TSPAN7: variants seen among roughly 807,000 people sequenced by gnomAD.
TSPAN7 encodes the protein tetraspanin 7, also known as tetraspanin-7.
TSPAN7 carries 1 observed loss-of-function variant against 17.6 expected under a neutral mutation model. The observed-to-expected ratio is 0.06, with a 90% CI of 0.02 to 0.27. The LOEUF (loss-of-function observed/expected upper bound fraction) is 0.27, where lower values mean the gene tolerates loss of function less well. TSPAN7 is among the 10% of genes least tolerant of loss of function. The probability of loss-of-function intolerance (pLI) is 1.00; values close to 1 mark genes in which losing one functional copy is unlikely to be tolerated. For synonymous variants in TSPAN7, 78 were observed against 79.0 expected, an observed-to-expected ratio of 0.99 and a Z score of 0.07; for missense variants, 112 against 201.7, an observed-to-expected ratio of 0.56 and a Z score of 2.69.
chrX:38,586,586 A>G (rs1333607424), intron 1 of TSPAN7, among the ~76,000 whole-genome samples: 1 of 112,098 alleles, frequency 8.9e-6, no homozygotes, highest in Non-Finnish European at 1.9e-5. Flanking sequence ...TTGAATTTTT[A>G]AAAAGCCGAT....
chrX:38,680,064 A>C (rs1242877713), intron 5 of TSPAN7, among the ~76,000 whole-genome samples: 1 of 111,605 alleles, frequency 9.0e-6, no homozygotes, highest in Non-Finnish European at 1.9e-5. Flanking sequence ...TCTGTACAAC[A>C]AACCCCGACG....
intron 1 of TSPAN7, among the ~76,000 whole-genome samples, chrX:38,659,798 A>C (rs2069730565): frequency 9.8e-6 from 1 of 102,353 alleles, no homozygotes; most frequent in Non-Finnish European, 2.0e-5. Flanking sequence ...CATTCAGCTA[A>C]CATTCTTTTT....
At chrX:38,683,602 C>A in intron 6 of TSPAN7, among the ~76,000 whole-genome samples, 1 of 112,957 alleles carries the variant, frequency 8.9e-6, no homozygotes, top group Admixed American at 9.3e-5. Flanking sequence ...AGACTTGAGA[C>A]CTGCTCCCAG....
intron 6 of TSPAN7, among the ~76,000 whole-genome samples, chrX:38,682,170 G>C (rs756151523): frequency 9.2e-4 from 100 of 108,353 alleles, no homozygotes; most frequent in Non-Finnish European, 1.6e-3. Context: ...TGTCTCCACA[G>C]CTCTCATTTT....
At chrX:38,586,847 T>C (rs1473721498) in intron 1 of TSPAN7, among the ~76,000 whole-genome samples, 1 of 112,256 alleles carries the variant, frequency 8.9e-6, no homozygotes, top group Non-Finnish European at 1.9e-5. Context: ...GAGGAAGGCA[T>C]TGATCATATT....
chrX:38,600,837 T>A (rs980510141), intron 1 of TSPAN7, among the ~76,000 whole-genome samples: 6 of 111,748 alleles, frequency 5.4e-5, no homozygotes, highest in Admixed American at 9.5e-5. Flanking sequence ...CAAAATCACA[T>A]ACCCAGGGCT....
chrX:38,680,847 A>T (rs1235936893), intron 5 of TSPAN7, among the ~76,000 whole-genome samples: 1 of 111,546 alleles, frequency 9.0e-6, no homozygotes, highest in Non-Finnish European at 1.9e-5. Context: ...TGCTTCATAG[A>T]TCTTACAGAT....
At chrX:38,679,769 A>G (rs1419258879) in intron 5 of TSPAN7, among the ~76,000 whole-genome samples, 1 of 111,619 alleles carries the variant, frequency 9.0e-6, no homozygotes, top group Non-Finnish European at 1.9e-5. Flanking sequence ...AATGTGTGAT[A>G]TATAGTCTCA....
At chrX:38,578,723 T>C (rs964533600) in intron 1 of TSPAN7, among the ~76,000 whole-genome samples, 5 of 110,201 alleles carry the variant, frequency 4.5e-5, no homozygotes, top group African/African-American at 1.3e-4. Context: ...CTCTGAGATA[T>C]AGCATGCTAA....
At chrX:38,570,941 A>G (rs2069166155) in intron 1 of TSPAN7, 2 of 112,177 alleles carry the variant, frequency 1.8e-5, no homozygotes, top group Admixed American at 9.4e-5. Flanking sequence ...TTGATCAGTT[A>G]AACAGGTAAG....
chrX:38,587,573 G>A (rs1254310241), intron 1 of TSPAN7, among the ~76,000 whole-genome samples: 1 of 111,717 alleles, frequency 9.0e-6, no homozygotes, highest in Non-Finnish European at 1.9e-5. Context: ...CTGACAGGTA[G>A]CTTGTGACTG....
At position 38,623,127 on chromosome X, in the gene TSPAN7, C is replaced by G. The variant is rs1269858435; in HGVS notation, c.82-42994C>G. 1.8e-5 allele frequency: 6 copies of G among 324,956 alleles called. No individual in the cohort carries two copies. In the East Asian group the frequency reaches 4.9e-4, roughly 27 times the overall value. The allele number at this position is 324,956 out of a possible 1,213,427, so 26.8% of individuals were successfully genotyped here. A position where few individuals can be genotyped will look rare whatever the true frequency, so the allele number is the denominator to read the frequency against. On this transcript the variant is annotated intron_variant, in intron 1 of 7. Transcript: ENST00000378482. ...ACCTCACAGGGAAGTTGTGGAGATC[C>G]AAGAGAGCCCATGTGAGGCAGCACT...
intron 3 of TSPAN7, among the ~76,000 whole-genome samples, chrX:38,672,262 G>A (rs1365371190): frequency 9.1e-6 from 1 of 109,420 alleles, no homozygotes; most frequent in Non-Finnish European, 1.9e-5. Context: ...AACAGAGAGT[G>A]TTACTGTGGG....
chrX:38,632,419 T>C (rs1198566100), intron 1 of TSPAN7, among the ~76,000 whole-genome samples: 4 of 112,310 alleles, frequency 3.6e-5, no homozygotes, highest in Admixed American at 9.4e-5. Flanking sequence ...ATCACTAAAA[T>C]GCTAAGTTTG....
intron 1 of TSPAN7, among the ~76,000 whole-genome samples, chrX:38,623,225 G>A (rs994260775): frequency 3.6e-5 from 4 of 111,535 alleles, no homozygotes; most frequent in African/African-American, 9.8e-5. Context: ...CAGACCCTTC[G>A]GTTTCTGAGA....
intron 1 of TSPAN7, among the ~76,000 whole-genome samples, chrX:38,595,149 C>G (rs906276307): frequency 1.8e-5 from 2 of 111,281 alleles, no homozygotes; most frequent in African/African-American, 6.5e-5. Context: ...AGTGGGATTC[C>G]TGGGACAAAT....
At chrX:38,671,105 G>T (rs953861899) in intron 2 of TSPAN7, among the ~76,000 whole-genome samples, 5 of 111,834 alleles carry the variant, frequency 4.5e-5, no homozygotes, top group Non-Finnish European at 7.5e-5. Context: ...ATTTCTCCAG[G>T]TGAGCCAAGC....
chrX:38,687,692 G>T lies in TSPAN7; in HGVS notation c.*7+18G>T. 8.4e-7 allele frequency: 1 copy of T among 1,196,981 alleles called. No individual in the cohort carries two copies. The highest frequency in any genetic ancestry group is 1.1e-6 in the Non-Finnish European group (1 of 885,131). ...AGGAGAAGGTAGGTGACAGTGGGGAGTGTTTAATTTTGAGGGGTCCCCTTT... is the reference window on the plus strand; with the variant it reads ...AGGAGAAGGTAGGTGACAGTGGGGATTGTTTAATTTTGAGGGGTCCCCTTT... On this transcript the variant is annotated intron_variant, in intron 7 of 7. Transcript: ENST00000378482.
chrX:38,675,522 T>G (rs562153057), intron 4 of TSPAN7, among the ~76,000 whole-genome samples, 183 bp from the exon 5 acceptor site: 95 of 111,978 alleles, frequency 8.5e-4, no homozygotes, highest in South Asian at 8.3e-3. Context: ...TTCTTGGAGA[T>G]CAAACAAGCA....
Sources: gnomAD v4.1 joint callset for allele counts (sites outside exome capture counted in the v4.1 genomes callset) on GRCh38, gnomAD v4.1.1 for gene constraint, MANE v1.5 for transcripts, NCBI Gene and HGNC (gene_info 2026-07-23, HGNC 2026-07-21) for gene names.